The following FAM78B variants were observed in gnomAD, a reference collection of about 807,000 sequenced individuals.
FAM78B encodes protein FAM78B.
FAM78B carries 10 observed loss-of-function variants against 20.0 expected under a neutral mutation model. That is an observed-to-expected ratio of 0.50 (90% confidence interval 0.31 to 0.85). The LOEUF (loss-of-function observed/expected upper bound fraction) is 0.85, where lower values mean the gene tolerates loss of function less well. Ranked by LOEUF, FAM78B falls within the 40% of genes least tolerant of loss-of-function variation. The pLI is 0.05. For synonymous variants in FAM78B, 135 were observed against 132.8 expected, an observed-to-expected ratio of 1.02 and a Z score of -0.12; for missense variants, 283 against 345.0, an observed-to-expected ratio of 0.82 and a Z score of 1.42.
intron 2 of FAM78B, among the ~76,000 whole-genome samples, chr1:166,063,394 A>T (rs553829654): frequency 6.6e-6 from 1 of 152,234 alleles, no homozygotes; most frequent in Admixed American, 6.5e-5. Context: ...TGCCTAGGAT[A>T]AACACTGAAG....
intron 1 of FAM78B, among the ~76,000 whole-genome samples, chr1:166,081,607 C>T (rs1265213002): frequency 1.3e-5 from 2 of 152,180 alleles, no homozygotes; most frequent in Non-Finnish European, 2.9e-5. Flanking sequence ...TGGCTCCTTA[C>T]CAGTCACTGG....
chr1:166,091,952 A>C (rs1221402554), intron 1 of FAM78B, among the ~76,000 whole-genome samples: 1 of 151,762 alleles, frequency 6.6e-6, no homozygotes, highest in African/African-American at 2.4e-5. Flanking sequence ...GTTTTCTACC[A>C]CACTACCCCT....
chr1:166,121,048 G>C (rs924767212), intron 1 of FAM78B, among the ~76,000 whole-genome samples: 5 of 152,178 alleles, frequency 3.3e-5, no homozygotes, highest in Non-Finnish European at 7.3e-5. Flanking sequence ...ATTGTCACCA[G>C]GTGCACTCTT....
rs868803245 is a variant in FAM78B, at chr1:166,105,986, C to G, written c.264-35223G>C. On this transcript the variant is annotated intron_variant, in intron 1 of 1. Coordinates refer to ENST00000354422, the MANE Select transcript of FAM78B (RefSeq NM_001017961.5). The stretch of plus-strand genomic sequence containing the variant: ...GTCCAACAATGATAGACTGGATTAA[C>G]AAAATGTGGCACATATACACCATGG... Among the ~76,000 whole-genome samples the G allele has an allele frequency of 9.5e-3, 1,449 of 151,728 alleles. 20 individuals are homozygous for G. Among genetic ancestry groups the G allele is most frequent in the African/African-American group, 0.03 (1,228 of 41,330 alleles).
chr1:166,064,353 T>G (rs912614192), downstream of FAM78B, among the ~76,000 whole-genome samples: 3 of 152,136 alleles, frequency 2.0e-5, no homozygotes, highest in Non-Finnish European at 2.9e-5. Context: ...TATATTTTCC[T>G]CTGAATCTCT....
chr1:166,131,050 G>A (rs1214652264), intron 1 of FAM78B, among the ~76,000 whole-genome samples: 1 of 148,496 alleles, frequency 6.7e-6, no homozygotes, highest in Non-Finnish European at 1.5e-5. Flanking sequence ...AGAGTGCAGT[G>A]GTGCAATCTT....
intron 1 of FAM78B, among the ~76,000 whole-genome samples, chr1:166,128,214 T>TATTA (rs1654713521): frequency 6.6e-6 from 1 of 152,014 alleles, no homozygotes; most frequent in Non-Finnish European, 1.5e-5. Flanking sequence ...CTCTTTTATT[T>TATTA]ATTCATTCAT....
At chr1:166,097,772 C>G (rs1653344108) in intron 1 of FAM78B, among the ~76,000 whole-genome samples, 2 of 152,004 alleles carry the variant, frequency 1.3e-5, no homozygotes, top group Admixed American at 6.5e-5. Flanking sequence ...AGCCCCGCCC[C>G]CACCTGATGG....
intron 1 of FAM78B, among the ~76,000 whole-genome samples, chr1:166,074,678 A>G (rs777997316): frequency 6.6e-6 from 1 of 152,220 alleles, no homozygotes; most frequent in Non-Finnish European, 1.5e-5. Flanking sequence ...AAAATCTAAC[A>G]TCTATTCATT....
At chr1:166,128,675 G>A (rs1012234190) in intron 1 of FAM78B, among the ~76,000 whole-genome samples, 3 of 152,242 alleles carry the variant, frequency 2.0e-5, no homozygotes, top group Non-Finnish European at 2.9e-5. Context: ...TTTGGTCTTC[G>A]GGCATCTCTT....
At chr1:166,136,468 T>C (rs1655068365) in intron 1 of FAM78B, among the ~76,000 whole-genome samples, 1 of 152,174 alleles carries the variant, frequency 6.6e-6, no homozygotes, top group Non-Finnish European at 1.5e-5. Flanking sequence ...CCAGATGCCT[T>C]ATCTCTCTGC....
chr1:166,088,675 A>G (rs754104102), intron 1 of FAM78B, among the ~76,000 whole-genome samples: 3 of 151,940 alleles, frequency 2.0e-5, no homozygotes, highest in African/African-American at 4.8e-5. Flanking sequence ...CCACCCTTCA[A>G]TCCTCTGTGA....
At chr1:166,165,858 G>C in intron 1 of FAM78B, 128 bp downstream of exon 1, 1 of 1,071,556 alleles carries the variant, frequency 9.3e-7, no homozygotes, top group Non-Finnish European at 1.4e-6. Context: ...AGGTGGGAGA[G>C]GAGGCGGGAG....
intron 1 of FAM78B, among the ~76,000 whole-genome samples, chr1:166,161,714 C>T (rs1468692760): frequency 6.6e-6 from 1 of 152,054 alleles, no homozygotes; most frequent in Admixed American, 6.6e-5. Flanking sequence ...GGGGAAGTAT[C>T]TAGGGTGACA....
chr1:166,109,808 ATATATG>A (rs1197253532), intron 1 of FAM78B, among the ~76,000 whole-genome samples: 1 of 34,708 alleles, frequency 2.9e-5, no homozygotes, highest in Non-Finnish European at 5.3e-5. Context: ...ATATATATGT[ATATATG>A]TATATATATA....
intron 1 of FAM78B, among the ~76,000 whole-genome samples, chr1:166,156,987 A>G (rs1432771844): frequency 8.3e-6 from 1 of 119,838 alleles, no homozygotes; most frequent in Non-Finnish European, 1.6e-5. Flanking sequence ...AGCTTAGAGG[A>G]GAACAAGGAG....
intron 1 of FAM78B, among the ~76,000 whole-genome samples, chr1:166,106,220 G>C (rs937405949): frequency 8.8e-6 from 1 of 114,258 alleles, no homozygotes; most frequent in South Asian, 3.8e-4. Flanking sequence ...GTGGGGGGAG[G>C]GGGGAGGGAT....
At chr1:166,149,021 C>T in intron 1 of FAM78B, among the ~76,000 whole-genome samples, 1 of 152,064 alleles carries the variant, frequency 6.6e-6, no homozygotes, top group Non-Finnish European at 1.5e-5. Flanking sequence ...ATATGTGCCA[C>T]ATTTTCTTAA....
At chr1:166,091,921 C>T (rs1357024144) in intron 1 of FAM78B, among the ~76,000 whole-genome samples, 2 of 152,142 alleles carry the variant, frequency 1.3e-5, no homozygotes. Context: ...AGGTCTTAAA[C>T]CTACATCCAC....
Sources: gnomAD v4.1 joint callset for allele counts (sites outside exome capture counted in the v4.1 genomes callset) on GRCh38, gnomAD v4.1.1 for gene constraint, MANE v1.5 for transcripts, NCBI Gene and HGNC (gene_info 2026-07-23, HGNC 2026-07-21) for gene names.